Variants in DPP6 observed in about 807,000 individuals in gnomAD.
The protein encoded by DPP6 is dipeptidyl peptidase like 6, also known as A-type potassium channel modulatory protein DPP6.
In DPP6, 69 loss-of-function variants were observed where a neutral mutation model predicts 122.6. The observed-to-expected ratio is 0.56, with a 90% CI of 0.46 to 0.69. The LOEUF is 0.69. Among genes scored for constraint, DPP6 ranks in the 30% least tolerant of loss-of-function variants. DPP6 has a pLI of 0.00. For missense variants in DPP6, 928 were observed against 1,116.9 expected (o/e 0.83, Z 2.41); for synonymous variants, 418 against 433.1 (o/e 0.97, Z 0.43).
intron 3 of DPP6, among the ~76,000 whole-genome samples, chr7:154,499,737 C>G (rs1407411531): frequency 6.6e-6 from 1 of 151,988 alleles, no homozygotes; most frequent in East Asian, 1.9e-4. Flanking sequence ...CCTCTATATC[C>G]CCACCACCCA....
At chr7:154,032,834 G>A (rs1434358191) in intron 1 of DPP6, among the ~76,000 whole-genome samples, 5 of 150,820 alleles carry the variant, frequency 3.3e-5, no homozygotes, top group Admixed American at 6.6e-5. Flanking sequence ...AAATGTGTCC[G>A]CACCCCCCAC....
chr7:153,801,561 AGG>A, the DPP6 span, among the ~76,000 whole-genome samples: 1 of 152,160 alleles, frequency 6.6e-6, no homozygotes, highest in Non-Finnish European at 1.5e-5. Context: ...ATGGCAGGAA[AGG>A]GGGCCACTCC....
Position 154,788,358 on chromosome 7 carries a change from C to A in DPP6, c.1137-5721C>A, listed in dbSNP as rs146175084. 7.0e-3 allele frequency among the ~76,000 whole-genome samples: 1,069 copies of A among 151,810 alleles called. 6 individuals carry two copies. Among genetic ancestry groups the A allele is most frequent in the African/African-American group, 0.022 (920 of 41,364 alleles). ...ATTCGGGAGACTGAGGCAGGACAAT[C>A]GCTTGAACCCAGGAAGTGGAGGTTG... On this transcript the variant is annotated intron_variant, in intron 10 of 25. Coordinates refer to ENST00000377770, the MANE Select transcript of DPP6 (RefSeq NM_130797.4).
chr7:154,857,459 C>T (rs1271334048), intron 17 of DPP6, among the ~76,000 whole-genome samples: 2 of 152,154 alleles, frequency 1.3e-5, no homozygotes, highest in Middle Eastern at 3.2e-3. Flanking sequence ...AGTGCCAAAC[C>T]CAGCCCTGAG....
chr7:154,861,121 G>C (rs1027255742), intron 17 of DPP6, among the ~76,000 whole-genome samples: 7 of 152,170 alleles, frequency 4.6e-5, no homozygotes, highest in Non-Finnish European at 1.0e-4. Flanking sequence ...GGAGCAATTT[G>C]GTGGCCAAAG....
intron 6 of DPP6, among the ~76,000 whole-genome samples, chr7:154,663,813 AATCACCATGGCGTATTGG>A: frequency 8.0e-6 from 1 of 125,294 alleles, no homozygotes; most frequent in African/African-American, 2.7e-5. Flanking sequence ...AGTCATGGTG[AATCACCATGGCGTATTGG>A]GCGTAGTATT....
At chr7:154,290,567 G>A (rs1277972158) in intron 1 of DPP6, among the ~76,000 whole-genome samples, 2 of 151,736 alleles carry the variant, frequency 1.3e-5, no homozygotes, top group African/African-American at 4.8e-5. Flanking sequence ...CCTTGGACCC[G>A]GGAGGTGGAG....
chr7:154,691,565 C>A, intron 7 of DPP6, among the ~76,000 whole-genome samples: 1 of 152,316 alleles, frequency 6.6e-6, no homozygotes. Flanking sequence ...CTCCTGTAAT[C>A]TCAGCACTTT....
chr7:154,511,782 A>T (rs1227350928), intron 3 of DPP6, among the ~76,000 whole-genome samples: 1 of 150,118 alleles, frequency 6.7e-6, no homozygotes, highest in Non-Finnish European at 1.5e-5. Context: ...ATCAATTATG[A>T]TCTTACCATA....
At chr7:154,006,971 C>G (rs2533545) in intron 1 of DPP6, among the ~76,000 whole-genome samples, 11 of 152,300 alleles carry the variant, frequency 7.2e-5, no homozygotes, top group East Asian at 5.8e-4. Flanking sequence ...CAGCTGCTCC[C>G]CTGAGAAGAT....
At chr7:153,857,322 TTCTCTCTCTCTCTC>T in the DPP6 span, among the ~76,000 whole-genome samples, 8 of 124,390 alleles carry the variant, frequency 6.4e-5, no homozygotes, top group Admixed American at 1.7e-4. Flanking sequence ...CTCAAAGGTT[TTCTCTCTCTCTCTC>T]TCTCTCTCTC....
At chr7:154,718,462 C>T (rs960821301) in intron 7 of DPP6, among the ~76,000 whole-genome samples, 6 of 151,874 alleles carry the variant, frequency 4.0e-5, no homozygotes, top group Non-Finnish European at 7.4e-5. Flanking sequence ...TCATTCTTCA[C>T]GTCAAGATTA....
intron 1 of DPP6, among the ~76,000 whole-genome samples, chr7:154,124,312 A>G (rs1249456538): frequency 2.0e-5 from 3 of 152,136 alleles, no homozygotes; most frequent in Non-Finnish European, 4.4e-5. Flanking sequence ...AGTGTAAGGG[A>G]TGAGAAGCCA....
intron 1 of DPP6, among the ~76,000 whole-genome samples, chr7:154,395,834 A>G (rs952151712): frequency 1.3e-5 from 2 of 151,954 alleles, no homozygotes; most frequent in South Asian, 4.1e-4. Context: ...GTTGTTCTCT[A>G]TTTTAAAGGA....
At chr7:154,253,358 G>T (rs935697363) in intron 1 of DPP6, among the ~76,000 whole-genome samples, 1 of 152,204 alleles carries the variant, frequency 6.6e-6, no homozygotes, top group Non-Finnish European at 1.5e-5. Flanking sequence ...GGTGTGGGGG[G>T]TGAGGGGACA....
intron 1 of DPP6, among the ~76,000 whole-genome samples, chr7:154,061,948 A>AC (rs1201420756): frequency 2.1e-5 from 2 of 94,854 alleles, no homozygotes; most frequent in African/African-American, 8.8e-5. Context: ...GGGGGAGGCA[A>AC]CCCTGCGAGG....
At chr7:154,884,230 C>A (rs1352666046) in intron 21 of DPP6, 1 of 68,388 alleles carries the variant, frequency 1.5e-5, no homozygotes, top group Non-Finnish European at 2.9e-5. Flanking sequence ...CACCTGCTCA[C>A]ACACACACAT....
At chr7:153,938,057 C>G (rs1801539712) in intron 1 of DPP6, among the ~76,000 whole-genome samples, 1 of 152,188 alleles carries the variant, frequency 6.6e-6, no homozygotes, top group Non-Finnish European at 1.5e-5. Context: ...CTCCTTCCTG[C>G]AGTGTATTAC....
In DPP6 at chr7:154,760,913, C is replaced by T. The variant is rs1454644457; in HGVS notation, c.884-8504C>T. Among the ~76,000 whole-genome samples the T allele has an allele frequency of 6.6e-6, 1 of 150,976 alleles. No individual in the cohort carries two copies. The highest frequency in any genetic ancestry group is 1.5e-5 in the Non-Finnish European group (1 of 67,940). ...GCAATGGTGCAATCTCGACTCACTGCAACCTCCGCTTCCCTGGTTCAAGCG... is the reference window on the plus strand; with the variant it reads ...GCAATGGTGCAATCTCGACTCACTGTAACCTCCGCTTCCCTGGTTCAAGCG... On this transcript the variant is annotated intron_variant, in intron 8 of 25. Transcript: ENST00000377770. The surrounding 1 kb of genome is among the most constrained non-coding windows in gnomAD (Gnocchi z 4.5).
Sources: allele counts gnomAD v4.1 joint callset (sites outside exome capture counted in the v4.1 genomes callset), GRCh38; gene constraint gnomAD v4.1.1; non-coding constraint Gnocchi (gnomAD v3.1); transcripts MANE v1.5; gene names NCBI Gene and HGNC (gene_info 2026-07-23, HGNC 2026-07-21).